Variants in CDH12 observed in about 807,000 individuals in gnomAD.
CDH12 encodes the protein cadherin-12.
A neutral mutation model predicts 74.1 loss-of-function variants in CDH12; 41 were observed. The observed-to-expected ratio is 0.55, with a 90% CI of 0.43 to 0.72. The LOEUF is 0.72. Ranked by LOEUF, CDH12 falls within the 30% of genes least tolerant of loss-of-function variation. The pLI is 0.00. For missense variants in CDH12, 945 were observed against 977.2 expected (o/e 0.97, Z 0.44); for synonymous variants, 399 against 355.0 (o/e 1.12, Z -1.39).
At chr5:22,119,519 A>G (rs755853159) in intron 4 of CDH12, among the ~76,000 whole-genome samples, 3 of 151,954 alleles carry the variant, frequency 2.0e-5, no homozygotes, top group Non-Finnish European at 2.9e-5. Context: ...CAGACTCCTA[A>G]CTTCAGGTGA....
intron 1 of CDH12, among the ~76,000 whole-genome samples, chr5:22,758,399 G>T (rs1746041184): frequency 6.6e-6 from 1 of 152,122 alleles, no homozygotes; most frequent in Admixed American, 6.6e-5. Context: ...GCAGCAGTGG[G>T]CATGTGTCCT....
At chr5:21,885,195 C>G (rs921523647) in intron 6 of CDH12, among the ~76,000 whole-genome samples, 1 of 152,136 alleles carries the variant, frequency 6.6e-6, no homozygotes, top group Non-Finnish European at 1.5e-5. Context: ...GCAAAAGGCC[C>G]TGTTTTAAGC....
chr5:22,601,526 C>T (rs896354761), intron 1 of CDH12, among the ~76,000 whole-genome samples: 1 of 151,912 alleles, frequency 6.6e-6, no homozygotes, highest in African/African-American at 2.4e-5. Flanking sequence ...CGTGGCATGC[C>T]AAGGGGTTGA....
At chr5:22,029,631 G>A (rs1738667916) in intron 5 of CDH12, among the ~76,000 whole-genome samples, 3 of 152,208 alleles carry the variant, frequency 2.0e-5, no homozygotes, top group African/African-American at 7.2e-5. Context: ...TAGAGATGAT[G>A]TGGAGAAATT....
chr5:22,845,452 C>A (rs1436382429), intron 1 of CDH12, among the ~76,000 whole-genome samples: 2 of 152,126 alleles, frequency 1.3e-5, no homozygotes, highest in Non-Finnish European at 2.9e-5. Flanking sequence ...GCACTCTTAT[C>A]CATTCCTTCA....
At chr5:22,050,320 C>A (rs1365582320) in intron 5 of CDH12, among the ~76,000 whole-genome samples, 2 of 152,088 alleles carry the variant, frequency 1.3e-5, no homozygotes, top group African/African-American at 2.4e-5. Context: ...ATTTCTATAG[C>A]ACATCTGCAA....
rs1580895202 is a variant in CDH12, at chr5:22,694,713, C to A, written c.-523+158345G>T. On this transcript the variant is annotated intron_variant, in intron 1 of 14. Coordinates refer to ENST00000382254, the MANE Select transcript of CDH12 (RefSeq NM_004061.5). ...TTTGCAGGATAGTGCAGTTTTCTTC[C>A]ACCCCTTGTACACGTCTTTCAATTT... Among the ~76,000 whole-genome samples, 3 of 92,452 alleles carry A rather than the reference C, an allele frequency of 3.2e-5. No homozygotes were observed. The South Asian group carries it at 1.2e-3, about 36-fold the overall frequency. 60.7% of individuals were successfully genotyped at this position (92,452 alleles called of 152,430 possible). A position where few individuals can be genotyped will look rare whatever the true frequency, so the allele number is the denominator to read the frequency against.
At chr5:22,569,198 T>C (rs969933770) in intron 1 of CDH12, among the ~76,000 whole-genome samples, 2 of 152,334 alleles carry the variant, frequency 1.3e-5, no homozygotes, top group African/African-American at 4.8e-5. Context: ...AATCTAGTTC[T>C]CAGTGATGAA....
intron 8 of CDH12, among the ~76,000 whole-genome samples, chr5:21,836,935 C>T (rs1749568485): frequency 6.6e-6 from 1 of 151,948 alleles, no homozygotes; most frequent in South Asian, 2.1e-4. Context: ...AACAATATTA[C>T]TACCTTTATT....
At chr5:22,193,749 C>A (rs896022827) in intron 4 of CDH12, among the ~76,000 whole-genome samples, 21 of 151,444 alleles carry the variant, frequency 1.4e-4, no homozygotes, top group African/African-American at 5.1e-4. Context: ...AAGAAAAACC[C>A]ACGAGGGTTG....
At chr5:22,320,918 A>T (rs561790494) in intron 3 of CDH12, among the ~76,000 whole-genome samples, 4 of 152,338 alleles carry the variant, frequency 2.6e-5, no homozygotes, top group South Asian at 2.1e-4. Flanking sequence ...TTGAATAATA[A>T]CAATGCAGTG....
At chr5:22,465,612 C>T (rs529494866) in intron 2 of CDH12, among the ~76,000 whole-genome samples, 11 of 152,212 alleles carry the variant, frequency 7.2e-5, no homozygotes, top group Non-Finnish European at 1.6e-4. Flanking sequence ...TGCCACCACA[C>T]TCTAGCTTGG....
intron 2 of CDH12, among the ~76,000 whole-genome samples, chr5:22,462,239 C>T (rs1249573688): frequency 1.3e-5 from 2 of 151,960 alleles, no homozygotes; most frequent in African/African-American, 2.4e-5. Context: ...AATCAGATAC[C>T]CCTTGCCAGA....
intron 5 of CDH12, among the ~76,000 whole-genome samples, chr5:22,051,906 A>G (rs947298842): frequency 6.6e-6 from 1 of 152,184 alleles, no homozygotes; most frequent in Non-Finnish European, 1.5e-5. Flanking sequence ...TTTAAGAAAG[A>G]AAACAGTAAG....
chr5:22,468,973 G>C (rs998789641), intron 2 of CDH12, among the ~76,000 whole-genome samples: 1 of 152,104 alleles, frequency 6.6e-6, no homozygotes, highest in African/African-American at 2.4e-5. Flanking sequence ...TTTACTTCTA[G>C]TAAATTACAT....
intron 3 of CDH12, among the ~76,000 whole-genome samples, chr5:22,299,123 A>G (rs1737754096): frequency 6.6e-6 from 1 of 152,300 alleles, no homozygotes; most frequent in East Asian, 1.9e-4. Context: ...CCATACCTAT[A>G]TCTGAGAAAA....
chr5:22,409,449 A>G (rs1457871958), intron 2 of CDH12, among the ~76,000 whole-genome samples: 6 of 152,026 alleles, frequency 3.9e-5, no homozygotes, highest in East Asian at 1.9e-4. Flanking sequence ...TTCAAAACCA[A>G]TTGAAAACTA....
In CDH12 at chr5:21,783,512, A is replaced by C; in HGVS notation, c.1257-18T>G. The C allele has an allele frequency of 6.3e-7, 1 of 1,586,604 alleles. No homozygotes were observed. Among genetic ancestry groups the C allele is most frequent in the Non-Finnish European group, 8.6e-7 (1 of 1,157,030 alleles). ...TGAAGTACCTGTATATGAAAAGAGT[A>C]GATGCAAATGTGCAATGATTACACA... On this transcript the variant is annotated intron_variant, in intron 10 of 14. Transcript: ENST00000382254.
chr5:21,976,071 A>G (rs1248590126), intron 5 of CDH12, among the ~76,000 whole-genome samples: 5 of 152,186 alleles, frequency 3.3e-5, no homozygotes, highest in African/African-American at 9.6e-5. Context: ...TTTCAGTGAT[A>G]TAGGGCAGAG....
Sources: gnomAD v4.1 joint callset for allele counts (sites outside exome capture counted in the v4.1 genomes callset) on GRCh38, gnomAD v4.1.1 for gene constraint, MANE v1.5 for transcripts, NCBI Gene and HGNC (gene_info 2026-07-23, HGNC 2026-07-21) for gene names.